The following MAP3K13 variants were observed in gnomAD, a reference collection of about 807,000 sequenced individuals.
MAP3K13 encodes mitogen-activated protein kinase kinase kinase 13, also known as leucine zipper-bearing kinase.
A neutral mutation model predicts 104.0 loss-of-function variants in MAP3K13; 52 were observed. The observed-to-expected ratio is 0.50, with a 90% CI of 0.40 to 0.63. The LOEUF (loss-of-function observed/expected upper bound fraction) is 0.63, where lower values mean the gene tolerates loss of function less well. Among genes scored for constraint, MAP3K13 ranks in the 20% least tolerant of loss-of-function variants. The probability of loss-of-function intolerance (pLI) is 0.00; values close to 1 mark genes in which losing one functional copy is unlikely to be tolerated. For synonymous variants in MAP3K13, 394 were observed against 442.2 expected, an observed-to-expected ratio of 0.89 and a Z score of 1.37; for missense variants, 914 against 1,218.5, an observed-to-expected ratio of 0.75 and a Z score of 3.72.
rs57871238 is a variant in MAP3K13, at chr3:185,480,177, G to A, written c.2502-55G>A. 730 of 1,537,422 alleles carry A rather than the reference G, an allele frequency of 4.7e-4. 3 individuals carry two copies. In the African/African-American group the frequency reaches 9.3e-3, roughly 20 times the overall value. On this transcript the variant is annotated intron_variant, in intron 12 of 13. Coordinates refer to ENST00000265026, the MANE Select transcript of MAP3K13 (RefSeq NM_004721.5). ...ACCACTACTATGAGTGACAGATAAG[G>A]AAAGAAAAGCAGTTGTTCCTCTGAC...
intron 2 of MAP3K13, among the ~76,000 whole-genome samples, chr3:185,289,623 A>G (rs1448323910): frequency 6.6e-6 from 1 of 152,166 alleles, no homozygotes; most frequent in Non-Finnish European, 1.5e-5. Flanking sequence ...GTAACAAACC[A>G]TGAAGAGTCC....
At chr3:185,387,796 A>G (rs1036447565) in intron 1 of MAP3K13, among the ~76,000 whole-genome samples, 4 of 152,146 alleles carry the variant, frequency 2.6e-5, no homozygotes, top group African/African-American at 9.7e-5. Flanking sequence ...TCAACATAGC[A>G]TGGGAAGTCC....
intron 4 of MAP3K13, 187 bp downstream of exon 4, chr3:185,443,823 C>T (rs527241555): frequency 3.9e-5 from 20 of 516,276 alleles, no homozygotes; most frequent in African/African-American, 3.2e-4. Context: ...AGGGCAGATA[C>T]GTCCAGGTAT....
chr3:185,454,584 TGATATATA>T (rs1716201976), intron 7 of MAP3K13, among the ~76,000 whole-genome samples: 1 of 111,052 alleles, frequency 9.0e-6, no homozygotes, highest in South Asian at 2.6e-4. Context: ...GATATATATA[TGATATATA>T]GATATATATG....
At chr3:185,370,013 C>A (rs1724077346) in intron 1 of MAP3K13, among the ~76,000 whole-genome samples, 1 of 152,100 alleles carries the variant, frequency 6.6e-6, no homozygotes, top group Non-Finnish European at 1.5e-5. Flanking sequence ...TTTTCCTAAG[C>A]TTTGGTTTTA....
At chr3:185,365,663 A>G (rs1267682832) in intron 1 of MAP3K13, among the ~76,000 whole-genome samples, 1 of 152,196 alleles carries the variant, frequency 6.6e-6, no homozygotes, top group Non-Finnish European at 1.5e-5. Context: ...TTTGTTGCAA[A>G]AAAATAAAAA....
Position 185,288,618 on chromosome 3 carries a change from A to G in MAP3K13, c.-86+2975A>G, listed in dbSNP as rs556852310. ...AAAAAATAAATAAATAAATAAGTGC[A>G]TTAAGGCCTTAGAGCTGGGCCTGTC... On this transcript the variant is annotated intron_variant, in intron 2 of 14. Coordinates refer to the MAP3K13 transcript ENST00000424227. Among the ~76,000 whole-genome samples the G allele has an allele frequency of 3.9e-5, 6 of 152,002 alleles. No individual in the cohort carries two copies. The South Asian group carries it at 1.2e-3, about 32-fold the overall frequency.
chr3:185,310,912 T>G (rs1312685469), intron 2 of MAP3K13, among the ~76,000 whole-genome samples: 1 of 152,218 alleles, frequency 6.6e-6, no homozygotes, highest in African/African-American at 2.4e-5. Context: ...GCTTTCAATA[T>G]TCACAGTGAT....
intron 2 of MAP3K13, among the ~76,000 whole-genome samples, chr3:185,327,774 C>T (rs982703617): frequency 3.9e-5 from 6 of 151,946 alleles, no homozygotes; most frequent in South Asian, 4.1e-4. Context: ...TAGCTGGACA[C>T]GGTGGCGGGC....
At position 185,286,859 on chromosome 3, in the gene MAP3K13, A is replaced by AT. The variant is rs879414039; in HGVS notation, c.-86+1228dup. Reference sequence around the variant, plus strand: ...TCCATATACTATTTCTGCTGGGTTGATTTTTTTTTTTTACTATGAGCATGT... The same window carrying AT: ...TCCATATACTATTTCTGCTGGGTTGATTTTTTTTTTTTTACTATGAGCATGT... On this transcript the variant is annotated intron_variant, in intron 2 of 14. Coordinates refer to the MAP3K13 transcript ENST00000424227. 1.2e-3 allele frequency among the ~76,000 whole-genome samples: 169 copies of AT among 146,630 alleles called. 1 individual carries two copies. Among genetic ancestry groups the AT allele is most frequent in the East Asian group, 6.9e-3 (35 of 5,078 alleles).
At chr3:185,457,585 C>G (rs539584932) in intron 7 of MAP3K13, among the ~76,000 whole-genome samples, 11 of 152,186 alleles carry the variant, frequency 7.2e-5, no homozygotes, top group Non-Finnish European at 1.3e-4. Flanking sequence ...ATTACTTCCC[C>G]AAAGCCCCAC....
rs1718646349 is a variant in MAP3K13 at position 185,484,844 on chromosome 3, G to C, written c.*2388G>C. 2 of 152,038 alleles carry C rather than the reference G, an allele frequency of 1.3e-5. No homozygotes were observed. The highest frequency in any genetic ancestry group is 2.9e-5 in the Non-Finnish European group (2 of 68,020). 9.4% of individuals were successfully genotyped at this position (152,038 alleles called of 1,614,324 possible). The stretch of plus-strand genomic sequence containing the variant: ...ATCAGAAGGTGTGATTTATGATGTG[G>C]CACAATGGTTGTGTTTATTGCTAAC... On this transcript the variant is annotated 3_prime_UTR_variant, in exon 14 of 14. Transcript: ENST00000265026.
At chr3:185,405,936 G>A (rs1163627596) in intron 1 of MAP3K13, among the ~76,000 whole-genome samples, 1 of 152,242 alleles carries the variant, frequency 6.6e-6, no homozygotes, top group East Asian at 1.9e-4. Context: ...AAAGCACTGA[G>A]TGTTAATTCT....
At position 185,295,494 on chromosome 3, in the gene MAP3K13, C is replaced by T. The variant is rs115718451; in HGVS notation, c.-86+9851C>T. 4.5e-3 allele frequency among the ~76,000 whole-genome samples: 682 copies of T among 152,352 alleles called. 3 individuals are homozygous for T. Among genetic ancestry groups the T allele is most frequent in the African/African-American group, 0.015 (640 of 41,592 alleles). ...CTGGGATTACAGGCGTAAGCCACAGCGCCCAGCCTTCTTTAGGGCTTTTGC... is the reference window on the plus strand; with the variant it reads ...CTGGGATTACAGGCGTAAGCCACAGTGCCCAGCCTTCTTTAGGGCTTTTGC... On this transcript the variant is annotated intron_variant, in intron 2 of 14. Coordinates refer to the MAP3K13 transcript ENST00000424227.
rs201877429 is a variant in MAP3K13, at chr3:185,346,987, G to GT, written c.-86+61363dup. 9.1e-3 allele frequency among the ~76,000 whole-genome samples: 1,163 copies of GT among 127,658 alleles called. 28 individuals are homozygous for GT. The highest frequency in any genetic ancestry group is 0.043 in the Admixed American group (539 of 12,500). The allele number at this position is 127,658 out of a possible 152,430, so 83.7% of individuals were successfully genotyped here. ...CTGAGGTGTTCATAGCACAAAGGAA[G>GT]TTTTTTTTTTTTTTTTTTTAGACAG... On this transcript the variant is annotated intron_variant, in intron 2 of 14. Transcript: ENST00000424227.
In MAP3K13 at chr3:185,465,753, G is replaced by A. The variant is rs56098590; in HGVS notation, c.1395G>A (p.Ala465=). Residue 465 remains alanine, a synonymous_variant, in exon 9 of 14, where the codon GCG becomes GCA. Coordinates refer to ENST00000265026, the MANE Select transcript of MAP3K13 (RefSeq NM_004721.5). ...CCTGTGTTTTCTCTGACAGGCATGC[G>A]CTGGATATTCGTGAACACTATGAGC... ...IRRRREELRH[A]LDIREHYERK... The A allele has an allele frequency of 2.2e-3, 3,508 of 1,612,794 alleles. 106 individuals are homozygous for A. The East Asian group carries it at 0.054, about 25-fold the overall frequency.
Position 185,417,746 on chromosome 3 carries a change from T to C in MAP3K13, c.-85-10751T>C, listed in dbSNP as rs1713865814. On this transcript the variant is annotated intron_variant, in intron 1 of 13. Coordinates refer to ENST00000265026, the MANE Select transcript of MAP3K13 (RefSeq NM_004721.5). The stretch of plus-strand genomic sequence containing the variant: ...TTATCCACCCGGAGCTTGTGATTCC[T>C]GGCCTGGCGAAGAATGGTGTTCCGG... The C allele has an allele frequency of 4.3e-6, 7 of 1,612,634 alleles. No homozygotes were observed. In the Admixed American group the frequency reaches 1.0e-4, roughly 23 times the overall value.
At chr3:185,434,361 C>G (rs1025569328) in intron 2 of MAP3K13, among the ~76,000 whole-genome samples, 1 of 152,124 alleles carries the variant, frequency 6.6e-6, no homozygotes, top group African/African-American at 2.4e-5. Flanking sequence ...AAACACTAAA[C>G]TAAAATAGAA....
rs751782548 is a variant in MAP3K13 at position 185,418,712 on chromosome 3, T to TG, written c.-85-9784dup. ...GGAGCCTTGAATACAGCAGGCTAAGTGACATTTTTGCCAGATGACTCCCCC... is the reference window on the plus strand; with the variant it reads ...GGAGCCTTGAATACAGCAGGCTAAGTGGACATTTTTGCCAGATGACTCCCCC... On this transcript the variant is annotated intron_variant, in intron 1 of 13. Transcript: ENST00000265026. The surrounding 1 kb of genome is among the most constrained non-coding windows in gnomAD (Gnocchi z 4.5). 68 of 1,610,734 alleles carry TG rather than the reference T, an allele frequency of 4.2e-5. No individual in the cohort carries two copies. Among genetic ancestry groups the TG allele is most frequent in the Non-Finnish European group, 5.4e-5 (64 of 1,177,710 alleles).
Sources: allele counts gnomAD v4.1 joint callset (sites outside exome capture counted in the v4.1 genomes callset), GRCh38; gene constraint gnomAD v4.1.1; non-coding constraint Gnocchi (gnomAD v3.1); transcripts MANE v1.5; gene names NCBI Gene and HGNC (gene_info 2026-07-23, HGNC 2026-07-21).